CIAO3: variants seen among roughly 807,000 people sequenced by gnomAD.
The protein encoded by CIAO3 is cytosolic iron-sulfur assembly component 3.
A neutral mutation model predicts 51.5 loss-of-function variants in CIAO3; 45 were observed. The ratio of observed to expected loss-of-function variants is 0.87; its 90% CI spans 0.69 to 1.12. CIAO3 has a LOEUF of 1.12. Ranked by LOEUF, CIAO3 falls within the 50% of genes most tolerant of loss-of-function variation. CIAO3 has a pLI of 0.00. For missense variants in CIAO3, 668 were observed against 632.5 expected (o/e 1.06, Z -0.60); for synonymous variants, 314 against 269.3 (o/e 1.17, Z -1.63).
intron 7 of CIAO3, 194 bp from the exon 8 acceptor site, chr16:732,567 C>G (rs946890770): frequency 1.4e-6 from 1 of 692,344 alleles, no homozygotes; most frequent in African/African-American, 1.8e-5. Flanking sequence ...TGGTCCTGCC[C>G]AGGGAGGTGT....
chr16:737,952 T>C lies in CIAO3; in HGVS notation c.163-623A>G. On this transcript the variant is annotated intron_variant, in intron 2 of 10. Coordinates refer to ENST00000251588, the MANE Select transcript of CIAO3 (RefSeq NM_022493.3). This position sits in a 1 kb window ranked among gnomAD's most constrained non-coding sequence, Gnocchi z 5.3. ...TTCTCCTGCAAAGGCAGGAATGGTT[T>C]GAGCAGGGCCAGGGGTGCTGCAGTG... is the stretch of plus-strand genomic sequence containing the variant. 1 of 1,179,554 alleles carries C rather than the reference T, an allele frequency of 8.5e-7. No homozygotes were observed. Among genetic ancestry groups the C allele is most frequent in the Non-Finnish European group, 1.1e-6 (1 of 937,696 alleles). The allele number at this position is 1,179,554 out of a possible 1,614,324, so 73.1% of individuals were successfully genotyped here.
At chr16:733,735 G>A (rs2151601545) in intron 6 of CIAO3, 1 of 420,936 alleles carries the variant, frequency 2.4e-6, no homozygotes, top group African/African-American at 2.0e-5. Context: ...GGAAACGGAT[G>A]TCACGGGGGA....
Position 737,440 on chromosome 16 carries a change from G to A in CIAO3, c.163-111C>T. 1 of 1,578,048 alleles carries A rather than the reference G, an allele frequency of 6.3e-7. No individual in the cohort carries two copies. The highest frequency in any genetic ancestry group is 1.8e-5 in the Admixed American group (1 of 56,308). On this transcript the variant is annotated intron_variant, in intron 2 of 10. Coordinates refer to ENST00000251588, the MANE Select transcript of CIAO3 (RefSeq NM_022493.3). The surrounding 1 kb of genome is among the most constrained non-coding windows in gnomAD (Gnocchi z 5.3). ...GACAACCAACATGGCTGCTGGCTGG[G>A]CTTGTGTGCCGCTGAATTTTTAAAA...
chr16:734,943 C>A, intron 4 of CIAO3, 72 bp from the exon 5 acceptor site: 1 of 1,468,202 alleles, frequency 6.8e-7, no homozygotes, highest in South Asian at 1.4e-5. Flanking sequence ...GGCGTGTGGA[C>A]CACCATGGTG....
At chr16:734,711 T>C in intron 5 of CIAO3, 26 bp downstream of exon 5, 6 of 1,612,648 alleles carry the variant, frequency 3.7e-6, no homozygotes, top group Non-Finnish European at 5.1e-6. Flanking sequence ...AACTTGACTC[T>C]CCCACCACCC....
Position 737,086 on chromosome 16 carries a change from G to A in CIAO3, c.306+100C>T, listed in dbSNP as rs1246043539. ...AAAAGGCAGGCGCCACCCGCACGAC[G>A]GACGTCGGCACCACACGAGCTGCCC... On this transcript the variant is annotated intron_variant, in intron 3 of 10. Transcript: ENST00000251588. This position sits in a 1 kb window ranked among gnomAD's most constrained non-coding sequence, Gnocchi z 5.3. 11 of 1,521,622 alleles carry A rather than the reference G, an allele frequency of 7.2e-6. No individual in the cohort carries two copies. Among genetic ancestry groups the A allele is most frequent in the African/African-American group, 4.1e-5 (3 of 72,978 alleles). The allele number at this position is 1,521,622 out of a possible 1,614,324, so 94.3% of individuals were successfully genotyped here. A position where few individuals can be genotyped will look rare whatever the true frequency, so the allele number is the denominator to read the frequency against.
At chr16:738,257 G>A in intron 2 of CIAO3, 1 of 987,726 alleles carries the variant, frequency 1.0e-6, no homozygotes, top group South Asian at 4.7e-5. Context: ...CCCCAGTGCT[G>A]GGCTGGAAAT....
chr16:730,143 G>C lies in CIAO3; in HGVS notation c.*274C>G, dbSNP rs951658895. ...AGCAAGGGCAGCACCTGTGGGCCTCGGCCCAGGGCCAACGGAACAGGCTCT... is the reference window on the plus strand; with the variant it reads ...AGCAAGGGCAGCACCTGTGGGCCTCCGCCCAGGGCCAACGGAACAGGCTCT... On this transcript the variant is annotated 3_prime_UTR_variant, in exon 11 of 11. Transcript: ENST00000251588. 4 of 543,850 alleles carry C rather than the reference G, an allele frequency of 7.4e-6. No homozygotes were observed. In the African/African-American group the frequency reaches 7.6e-5, roughly 10 times the overall value. 33.7% of individuals were successfully genotyped at this position (543,850 alleles called of 1,614,324 possible).
chr16:734,427 G>T, intron 5 of CIAO3, 80 bp from the exon 6 acceptor site: 2 of 1,043,362 alleles, frequency 1.9e-6, no homozygotes, highest in East Asian at 2.5e-5. Context: ...CGACATTCTG[G>T]GGGCGGGCCC....
intron 8 of CIAO3, 70 bp from the exon 9 acceptor site, chr16:731,772 T>C: frequency 6.8e-7 from 1 of 1,462,722 alleles, no homozygotes. Flanking sequence ...AGGGCCTCTG[T>C]CCCTCACACA....
intron 4 of CIAO3, 108 bp from the exon 5 acceptor site, chr16:734,979 G>C: frequency 7.2e-7 from 1 of 1,382,524 alleles, no homozygotes; most frequent in East Asian, 2.5e-5. Context: ...TGTCGCACCT[G>C]CTTGCCGTGC....
rs1704568426 is a variant in CIAO3 at position 737,839 on chromosome 16, G to A, written c.163-510C>T. On this transcript the variant is annotated intron_variant, in intron 2 of 10. Transcript: ENST00000251588. The surrounding 1 kb of genome is among the most constrained non-coding windows in gnomAD (Gnocchi z 5.3). ...CGTCAGACTCGCCAAACAGATGCAG[G>A]AACAAGGTGTTCCAGTCGGGGGCCT... 1 of 1,185,796 alleles carries A rather than the reference G, an allele frequency of 8.4e-7. No homozygotes were observed. The highest frequency in any genetic ancestry group is 1.1e-6 in the Non-Finnish European group (1 of 939,076). 73.5% of individuals were successfully genotyped at this position (1,185,796 alleles called of 1,614,324 possible). A position where few individuals can be genotyped will look rare whatever the true frequency, so the allele number is the denominator to read the frequency against.
intron 1 of CIAO3, chr16:739,993 C>G: frequency 6.8e-7 from 1 of 1,475,880 alleles, no homozygotes; most frequent in African/African-American, 1.4e-5. Context: ...TGCAAACTAC[C>G]CACCTGCGGA....
intron 4 of CIAO3, 146 bp from the exon 5 acceptor site, chr16:735,017 T>A: frequency 8.7e-7 from 1 of 1,150,148 alleles, no homozygotes; most frequent in Non-Finnish European, 1.2e-6. Context: ...CGTGGGGACC[T>A]CCTAAAGCCA....
chr16:732,300 C>T lies in CIAO3; in HGVS notation c.896+1G>A. The T allele has an allele frequency of 1.2e-6, 2 of 1,609,996 alleles. No homozygotes were observed. Among genetic ancestry groups the T allele is most frequent in the Non-Finnish European group, 1.7e-6 (2 of 1,177,642 alleles). On this transcript the variant is annotated splice_donor_variant, in intron 8 of 10. Transcript: ENST00000251588. LOFTEE classifies it high-confidence loss of function. ...CAGTTCTTGGTGGCAGACATACGTA[C>T]AGGCTGTCCAGAGGGGCTGGTTCCA...
chr16:740,042 G>A (rs1461535482), intron 1 of CIAO3: 2 of 1,404,004 alleles, frequency 1.4e-6, no homozygotes, highest in Admixed American at 2.1e-5. Flanking sequence ...CACGTGAACA[G>A]GGGGCGTGAC....
At chr16:732,871 C>T (rs189724198) in intron 7 of CIAO3, 27 of 308,594 alleles carry the variant, frequency 8.7e-5, no homozygotes, top group African/African-American at 4.8e-4. Context: ...CTCCTGACCT[C>T]GTGATCCACC....
In CIAO3 at chr16:737,684, C is replaced by T. The variant is rs77297486; in HGVS notation, c.163-355G>A. 2.4e-4 allele frequency: 309 copies of T among 1,311,498 alleles called. 1 individual carries two copies. The African/African-American group carries it at 3.9e-3, about 17-fold the overall frequency. 81.2% of individuals were successfully genotyped at this position (1,311,498 alleles called of 1,614,324 possible). The stretch of plus-strand genomic sequence containing the variant: ...ACAGGGCTGTAGGGCAGGAAAATGC[C>T]GAAGGTGGGCTCTGAAAGGAGGAGG... On this transcript the variant is annotated intron_variant, in intron 2 of 10. Coordinates refer to ENST00000251588, the MANE Select transcript of CIAO3 (RefSeq NM_022493.3). This position sits in a 1 kb window ranked among gnomAD's most constrained non-coding sequence, Gnocchi z 5.3.
chr16:732,646 T>TTC (rs914582359), intron 7 of CIAO3: 2 of 496,312 alleles, frequency 4.0e-6, no homozygotes, highest in Non-Finnish European at 7.6e-6. Flanking sequence ...CTGCTTTTCT[T>TTC]TTTTTTTTGA....
Sources: gnomAD v4.1 joint callset for allele counts on GRCh38, gnomAD v4.1.1 for gene constraint, Gnocchi (gnomAD v3.1) non-coding constraint, MANE v1.5 for transcripts, NCBI Gene and HGNC (gene_info 2026-07-23, HGNC 2026-07-21) for gene names.